Variants in FBXL17 observed in about 807,000 individuals in gnomAD.
FBXL17 encodes F-box and leucine rich repeat protein 17.
A neutral mutation model predicts 66.2 loss-of-function variants in FBXL17; 22 were observed. The observed-to-expected ratio is 0.33, with a 90% CI of 0.24 to 0.47. The LOEUF is 0.47. Among genes scored for constraint, FBXL17 ranks in the 20% least tolerant of loss-of-function variants. The pLI is 1.00. For missense variants in FBXL17, 878 were observed against 948.2 expected (o/e 0.93, Z 0.97); for synonymous variants, 474 against 400.5 (o/e 1.18, Z -2.19).
chr5:108,119,664 G>A (rs2149962809), intron 6 of FBXL17, among the ~76,000 whole-genome samples: 1 of 152,332 alleles, frequency 6.6e-6, no homozygotes, highest in Non-Finnish European at 1.5e-5. Context: ...GGAGGAATTA[G>A]CTGTATAGTA....
intron 7 of FBXL17, among the ~76,000 whole-genome samples, chr5:107,909,500 T>A: frequency 6.6e-6 from 1 of 152,188 alleles, no homozygotes; most frequent in East Asian, 1.9e-4. Context: ...ACAATGAGAA[T>A]GATGGAAATA....
chr5:107,892,570 C>A (rs1402563811), intron 7 of FBXL17, among the ~76,000 whole-genome samples: 6 of 152,092 alleles, frequency 3.9e-5, no homozygotes, highest in African/African-American at 1.4e-4. Flanking sequence ...AAACTAAGAA[C>A]TTGACATTTC....
chr5:107,887,339 T>G (rs1749008107), intron 7 of FBXL17, among the ~76,000 whole-genome samples: 1 of 152,162 alleles, frequency 6.6e-6, no homozygotes, highest in South Asian at 2.1e-4. Flanking sequence ...ATGTGAGAAC[T>G]AAAAATACAT....
chr5:108,053,421 C>A (rs1327283926), intron 6 of FBXL17, among the ~76,000 whole-genome samples: 2 of 151,944 alleles, frequency 1.3e-5, no homozygotes, highest in Admixed American at 1.3e-4. Context: ...GACATTTACA[C>A]AGCCAACAAA....
chr5:108,206,223 C>G (rs1754112118), intron 5 of FBXL17, among the ~76,000 whole-genome samples: 1 of 152,016 alleles, frequency 6.6e-6, no homozygotes, highest in Admixed American at 6.6e-5. Context: ...AGAACTTTCC[C>G]TTATGAATTA....
chr5:108,172,790 GCTTTATTTTAT>G (rs1458863060), intron 6 of FBXL17, among the ~76,000 whole-genome samples: 1 of 152,012 alleles, frequency 6.6e-6, no homozygotes. Flanking sequence ...TACAAGAGCA[GCTTTATTTTAT>G]TTGTTTATTG....
intron 6 of FBXL17, among the ~76,000 whole-genome samples, chr5:108,092,633 G>A (rs536674933): frequency 6.6e-6 from 1 of 152,236 alleles, no homozygotes; most frequent in Admixed American, 6.5e-5. Context: ...GTATCTTTAT[G>A]TAAATATGGA....
intron 7 of FBXL17, among the ~76,000 whole-genome samples, chr5:107,919,044 T>C (rs557038259): frequency 6.6e-6 from 1 of 152,328 alleles, no homozygotes; most frequent in African/African-American, 2.4e-5. Flanking sequence ...TGTTACACCA[T>C]AGTAAAACTT....
At chr5:107,887,993 A>G (rs1749031030) in intron 7 of FBXL17, among the ~76,000 whole-genome samples, 1 of 152,230 alleles carries the variant, frequency 6.6e-6, no homozygotes, top group African/African-American at 2.4e-5. Flanking sequence ...AACGGTAGTT[A>G]CTTTGTATAT....
chr5:107,879,927 C>A, intron 8 of FBXL17: 1 of 984,990 alleles, frequency 1.0e-6, no homozygotes, highest in Non-Finnish European at 1.2e-6. Flanking sequence ...GCCAGAGTAT[C>A]CTGGGGCCAC....
chr5:108,327,338 C>T (rs952709819), intron 4 of FBXL17, among the ~76,000 whole-genome samples: 8 of 152,064 alleles, frequency 5.3e-5, no homozygotes, highest in African/African-American at 1.7e-4. Flanking sequence ...TGAACTACAC[C>T]CCAGCACATT....
At chr5:107,947,482 C>A (rs906738294) in intron 7 of FBXL17, among the ~76,000 whole-genome samples, 2 of 152,240 alleles carry the variant, frequency 1.3e-5, no homozygotes, top group African/African-American at 2.4e-5. Flanking sequence ...CCATGTGTTG[C>A]TAACTGTCAT....
At chr5:107,996,685 A>C (rs1298359130) in intron 7 of FBXL17, among the ~76,000 whole-genome samples, 1 of 152,198 alleles carries the variant, frequency 6.6e-6, no homozygotes, top group African/African-American at 2.4e-5. Context: ...AAATATATCT[A>C]CTATATTTTA....
intron 5 of FBXL17, 111 bp from the exon 6 acceptor site, chr5:108,186,358 C>T (rs1020906239): frequency 4.9e-6 from 4 of 809,750 alleles, no homozygotes; most frequent in South Asian, 2.0e-5. Context: ...ATATTTAAAA[C>T]AGATAGGCTA....
chr5:108,154,425 T>C (rs1233885342), intron 6 of FBXL17, among the ~76,000 whole-genome samples: 2 of 150,694 alleles, frequency 1.3e-5, no homozygotes, highest in Middle Eastern at 3.2e-3. Flanking sequence ...ACCCCGTCTC[T>C]ACTAAAAACA....
At chr5:107,981,385 T>C (rs1752822650) in intron 7 of FBXL17, among the ~76,000 whole-genome samples, 1 of 152,248 alleles carries the variant, frequency 6.6e-6, no homozygotes, top group Non-Finnish European at 1.5e-5. Flanking sequence ...CCTAGGAGGA[T>C]GTTTACATGG....
intron 7 of FBXL17, among the ~76,000 whole-genome samples, chr5:107,974,879 C>T (rs568209522): frequency 2.8e-4 from 43 of 152,188 alleles, no homozygotes; most frequent in African/African-American, 1.0e-3. Flanking sequence ...AGAAAAAAAT[C>T]TGAGCTGTGA....
intron 5 of FBXL17, among the ~76,000 whole-genome samples, chr5:108,212,291 G>A (rs979382465): frequency 6.6e-6 from 1 of 152,086 alleles, no homozygotes; most frequent in Non-Finnish European, 1.5e-5. Flanking sequence ...CCTTTAGCTC[G>A]GAAGAGTTTG....
chr5:108,086,529 C>CT (rs1357184031), intron 6 of FBXL17, among the ~76,000 whole-genome samples: 2 of 152,052 alleles, frequency 1.3e-5, no homozygotes, highest in African/African-American at 2.4e-5. Context: ...GTTAACCTGA[C>CT]TTTTTTAATA....
Sources: allele counts gnomAD v4.1 joint callset (sites outside exome capture counted in the v4.1 genomes callset), GRCh38; gene constraint gnomAD v4.1.1; transcripts MANE v1.5; gene names NCBI Gene and HGNC (gene_info 2026-07-23, HGNC 2026-07-21).